The following PCCA variants were observed in gnomAD, a reference collection of about 807,000 sequenced individuals.
PCCA encodes propionyl-CoA carboxylase alpha chain, mitochondrial.
In PCCA, 74 loss-of-function variants were observed where a neutral mutation model predicts 101.3. The ratio of observed to expected loss-of-function variants is 0.73; its 90% CI spans 0.61 to 0.89. The LOEUF (loss-of-function observed/expected upper bound fraction) is 0.89, where lower values mean the gene tolerates loss of function less well. PCCA is among the 40% of genes least tolerant of loss of function. The pLI, the probability that PCCA is intolerant of heterozygous loss-of-function variation, is 0.00. For synonymous variants in PCCA, 294 were observed against 313.6 expected, an observed-to-expected ratio of 0.94 and a Z score of 0.66; for missense variants, 891 against 907.0, an observed-to-expected ratio of 0.98 and a Z score of 0.23.
Position 100,257,588 on chromosome 13 carries a change from CT to C in PCCA, c.638-6del, listed in dbSNP as rs781139902. ...TGAACTTCTGTCTAATTCTTCCCTGCTGTTAGGCTACCCTGTCATGATCAAG... is the reference window on the plus strand; with the variant it reads ...TGAACTTCTGTCTAATTCTTCCCTGCGTTAGGCTACCCTGTCATGATCAAG... On this transcript the variant is annotated splice_polypyrimidine_tract_variant and splice_region_variant and intron_variant, in intron 8 of 23. Coordinates refer to ENST00000376285, the MANE Select transcript of PCCA (RefSeq NM_000282.4). 1 of 1,608,958 alleles carries C rather than the reference CT, an allele frequency of 6.2e-7. No homozygotes were observed. Among genetic ancestry groups the C allele is most frequent in the Admixed American group, 1.7e-5 (1 of 59,874 alleles).
At chr13:100,272,453 G>C (rs1241573829) in intron 11 of PCCA, among the ~76,000 whole-genome samples, 2 of 152,086 alleles carry the variant, frequency 1.3e-5, no homozygotes, top group Non-Finnish European at 2.9e-5. Context: ...CCTGAGTAAA[G>C]CTTATCCCAC....
chr13:100,290,921 T>C (rs1320677667), intron 12 of PCCA, among the ~76,000 whole-genome samples: 1 of 152,216 alleles, frequency 6.6e-6, no homozygotes, highest in Non-Finnish European at 1.5e-5. Context: ...GAAATTCTAA[T>C]TGTGCGTTAC....
At chr13:100,511,184 A>G (rs992054969) in intron 21 of PCCA, among the ~76,000 whole-genome samples, 15 of 152,218 alleles carry the variant, frequency 9.9e-5, no homozygotes, top group African/African-American at 3.6e-4. Flanking sequence ...GTTTTAACTC[A>G]TATCTAGTTT....
At chr13:100,363,444 A>C (rs1039795275) in intron 18 of PCCA, among the ~76,000 whole-genome samples, 1 of 151,316 alleles carries the variant, frequency 6.6e-6, no homozygotes, top group African/African-American at 2.4e-5. Context: ...GGTTCTGTCT[A>C]CCCCCACTGA....
At chr13:100,335,284 T>C (rs973752851) in intron 17 of PCCA, among the ~76,000 whole-genome samples, 3 of 152,084 alleles carry the variant, frequency 2.0e-5, no homozygotes, top group African/African-American at 7.2e-5. Flanking sequence ...TACATATTTT[T>C]CCCCCTACCC....
intron 9 of PCCA, among the ~76,000 whole-genome samples, chr13:100,260,921 A>G (rs1662984799): frequency 6.6e-6 from 1 of 151,816 alleles, no homozygotes; most frequent in South Asian, 2.1e-4. Context: ...GAACGGTCAG[A>G]CTAACAAAAC....
In PCCA at chr13:100,481,348, G is replaced by A. The variant is rs139418277; in HGVS notation, c.1899+32043G>A. 5.4e-3 allele frequency among the ~76,000 whole-genome samples: 827 copies of A among 152,108 alleles called. 5 individuals are homozygous for A. The highest frequency in any genetic ancestry group is 0.019 in the African/African-American group (773 of 41,490). On this transcript the variant is annotated intron_variant, in intron 21 of 23. Transcript: ENST00000376285. ...CAAGGCAGGTGGATCACTTGAGCTC[G>A]GGAGTTTGAGACTAGCCTGGGCAAC...
intron 4 of PCCA, among the ~76,000 whole-genome samples, chr13:100,135,184 G>C (rs1287329689): frequency 6.6e-6 from 1 of 151,538 alleles, no homozygotes; most frequent in African/African-American, 2.4e-5. Flanking sequence ...ATTGAGCCAG[G>C]AGTTTGAGAC....
intron 20 of PCCA, among the ~76,000 whole-genome samples, chr13:100,426,839 T>C (rs1283889607): frequency 6.6e-6 from 1 of 152,192 alleles, no homozygotes; most frequent in Non-Finnish European, 1.5e-5. Flanking sequence ...GTATAAATTA[T>C]GAGTTGAAAT....
intron 19 of PCCA, among the ~76,000 whole-genome samples, chr13:100,409,060 G>A (rs2077860194): frequency 6.6e-6 from 1 of 152,140 alleles, no homozygotes; most frequent in Non-Finnish European, 1.5e-5. Context: ...CACCCCGGGT[G>A]CCCTTGGACC....
intron 16 of PCCA, among the ~76,000 whole-genome samples, chr13:100,327,736 C>G (rs1339544315): frequency 6.6e-6 from 1 of 152,174 alleles, no homozygotes; most frequent in African/African-American, 2.4e-5. Context: ...TATTATCTGT[C>G]TTTTCACTTT....
intron 17 of PCCA, among the ~76,000 whole-genome samples, chr13:100,336,128 G>A (rs1459839645): frequency 6.6e-6 from 1 of 152,150 alleles, no homozygotes; most frequent in Non-Finnish European, 1.5e-5. Flanking sequence ...CGGGCATGGT[G>A]GCATGTGCAT....
chr13:100,292,957 G>GTGTGTGTGTGTGTGTC (rs1307386378), intron 12 of PCCA, among the ~76,000 whole-genome samples: 3 of 151,910 alleles, frequency 2.0e-5, no homozygotes, highest in Admixed American at 6.6e-5. Context: ...GTGTGTGTGT[G>GTGTGTGTGTGTGTGTC]TGTCTGTTTG....
intron 18 of PCCA, among the ~76,000 whole-genome samples, chr13:100,367,802 C>T (rs1290912595): frequency 6.6e-6 from 1 of 151,166 alleles, no homozygotes; most frequent in African/African-American, 2.4e-5. Context: ...ACTAAAAATA[C>T]TAAAAATTAG....
chr13:100,355,082 C>T (rs946522544), intron 18 of PCCA, among the ~76,000 whole-genome samples: 5 of 152,166 alleles, frequency 3.3e-5, no homozygotes, highest in Non-Finnish European at 7.4e-5. Context: ...CAAACTGAAT[C>T]CAAGAATATA....
rs540193614 is a variant in PCCA at position 100,417,727 on chromosome 13, C to G, written c.1747-7906C>G. Among the ~76,000 whole-genome samples, 15 of 152,196 alleles carry G rather than the reference C, an allele frequency of 9.9e-5. No homozygotes were observed. In the East Asian group the frequency reaches 2.7e-3, roughly 27 times the overall value. Reference sequence around the variant, plus strand: ...GCCTCCCAGCCCCTTCCACTGTGCCCCCTGTATTGCCCACTTTCAGACCAA... The same window carrying G: ...GCCTCCCAGCCCCTTCCACTGTGCCGCCTGTATTGCCCACTTTCAGACCAA... On this transcript the variant is annotated intron_variant, in intron 19 of 23. Transcript: ENST00000376285.
chr13:100,136,643 T>A lies in PCCA; in HGVS notation c.301-18336T>A, dbSNP rs2051211739. ...GTTTTGTTAGCTTTGTGTTTTGCCA[T>A]TTTTGAGGAATTGGTTCATTTCATC... On this transcript the variant is annotated intron_variant, in intron 4 of 23. Coordinates refer to ENST00000376285, the MANE Select transcript of PCCA (RefSeq NM_000282.4). Among the ~76,000 whole-genome samples the A allele has an allele frequency of 3.3e-5, 5 of 152,178 alleles. No individual in the cohort carries two copies. The South Asian group carries it at 1.0e-3, about 31-fold the overall frequency.
At chr13:100,213,239 T>A (rs1162189836) in intron 7 of PCCA, among the ~76,000 whole-genome samples, 1 of 152,172 alleles carries the variant, frequency 6.6e-6, no homozygotes, top group Non-Finnish European at 1.5e-5. Context: ...TTTCCTTTCT[T>A]TTGGGTATAT....
intron 4 of PCCA, among the ~76,000 whole-genome samples, chr13:100,115,127 G>A (rs893678165): frequency 6.6e-6 from 1 of 152,198 alleles, no homozygotes; most frequent in Admixed American, 6.5e-5. Flanking sequence ...CAATAGCATG[G>A]ATGGAACTGG....
Sources: allele counts gnomAD v4.1 joint callset (sites outside exome capture counted in the v4.1 genomes callset), GRCh38; gene constraint gnomAD v4.1.1; transcripts MANE v1.5; gene names NCBI Gene and HGNC (gene_info 2026-07-23, HGNC 2026-07-21).